CCHCR1: variants seen among roughly 807,000 people sequenced by gnomAD.
The protein encoded by CCHCR1 is HCR (a-helix coiled-coil rod homologue).
Under a neutral mutation model 114.6 loss-of-function variants are expected in CCHCR1, and 91 were observed. That is an observed-to-expected ratio of 0.79 (90% CI 0.67 to 0.94). CCHCR1 has a LOEUF of 0.94. Among genes scored for constraint, CCHCR1 ranks in the 40% least tolerant of loss-of-function variants. CCHCR1 has a pLI of 0.00. For missense variants in CCHCR1, 899 were observed against 1,079.9 expected (o/e 0.83, Z 2.35); for synonymous variants, 379 against 428.5 (o/e 0.88, Z 1.43).
chr6:31,151,254 A>G lies in CCHCR1; in HGVS notation c.802-132T>C. The G allele has an allele frequency of 1.1e-6, 1 of 946,340 alleles. No individual in the cohort carries two copies. Among genetic ancestry groups the G allele is most frequent in the Non-Finnish European group, 1.6e-6 (1 of 637,170 alleles). The allele number at this position is 946,340 out of a possible 1,614,324, so 58.6% of individuals were successfully genotyped here. On this transcript the variant is annotated intron_variant, in intron 4 of 17. Coordinates refer to ENST00000396268, the MANE Select transcript of CCHCR1 (RefSeq NM_001105564.2). This position sits in a 1 kb window ranked among gnomAD's most constrained non-coding sequence, Gnocchi z 4.1. ...AGCCAACTGTGCACAGCAAATGGAG[A>G]GCTGGCAACTCACTCTCCGCAGCTG...
rs573835797 is a variant in CCHCR1, at chr6:31,146,578, T to G, written c.1581-770A>C. On this transcript the variant is annotated intron_variant, in intron 10 of 17. Transcript: ENST00000396268. ...TCTGCACCCACAGAAAAACACATGATGATGAAGGCTTGCAGCTGCATCCCC... is the reference window on the plus strand; with the variant it reads ...TCTGCACCCACAGAAAAACACATGAGGATGAAGGCTTGCAGCTGCATCCCC... Among the ~76,000 whole-genome samples the G allele has an allele frequency of 3.9e-5, 6 of 152,176 alleles. No homozygotes were observed. In the East Asian group the frequency reaches 1.2e-3, roughly 29 times the overall value.
rs530074163 is a variant in CCHCR1, at chr6:31,154,744, G to A, written c.553C>T (p.Arg185Trp). The A allele has an allele frequency of 1.4e-4, 233 of 1,607,140 alleles. 5 individuals carry two copies. In the South Asian group the frequency reaches 2.1e-3, roughly 14 times the overall value. The stretch of plus-strand genomic sequence containing the variant: ...AGCCGCCGCAGCTCTTGCAGCTGCC[G>A]AACGATCACCTCAGCCTGCTGGCTC... ...ALSQQAEVIV[R>W]QLQELRRLEE... Residue 185 changes from arginine to tryptophan, a missense_variant, in exon 4 of 18, where the codon CGG becomes TGG. Coordinates refer to ENST00000396268, the MANE Select transcript of CCHCR1 (RefSeq NM_001105564.2). The surrounding 1 kb of genome is among the most constrained non-coding windows in gnomAD (Gnocchi z 4.1).
chr6:31,145,003 C>T lies in CCHCR1; in HGVS notation c.1947G>A (p.Glu649=), dbSNP rs775826272. Reference sequence around the variant, plus strand: ...GCTGCAGCCCCAAGCTAGCCAGGGACTCCTGGGTCTGCTGCAGCTCCTGCT... The same window carrying T: ...GCTGCAGCCCCAAGCTAGCCAGGGATTCCTGGGTCTGCTGCAGCTCCTGCT... ...QLEQELQQTQ[E]SLASLGLQLE... Residue 649 remains glutamate (E), a synonymous_variant, in exon 14 of 18, where the codon GAG becomes GAA. Transcript: ENST00000396268. 6 of 1,606,508 alleles carry T rather than the reference C, an allele frequency of 3.7e-6. No homozygotes were observed. The African/African-American group carries it at 8.0e-5, about 21-fold the overall frequency.
chr6:31,155,373 G>A (rs1481798174), intron 3 of CCHCR1, among the ~76,000 whole-genome samples: 2 of 152,098 alleles, frequency 1.3e-5, no homozygotes, highest in African/African-American at 2.4e-5. Context: ...GGGAGGCCGA[G>A]GCGGGCGGAT....
chr6:31,149,070 T>G (rs1774796590), intron 8 of CCHCR1: 1 of 247,990 alleles, frequency 4.0e-6, no homozygotes, highest in Non-Finnish European at 8.0e-6. Context: ...GAGAATCACT[T>G]GAACCTGGGA....
chr6:31,156,923 G>C lies in CCHCR1; in HGVS notation c.305C>G (p.Pro102Arg), dbSNP rs770854892. 2 of 1,612,876 alleles carry C rather than the reference G, an allele frequency of 1.2e-6. No homozygotes were observed. The highest frequency in any genetic ancestry group is 8.5e-7 in the Non-Finnish European group (1 of 1,180,018). Residue 102 changes from proline to arginine, a missense_variant, in exon 3 of 18, where the codon CCC becomes CGC. Transcript: ENST00000396268. ...PPSGSTGLIP[P>R]SHFQARPLST... ...AAGGGGCCGAGCTTGAAAGTGGGAG[G>C]GGGGAATCAGCCCAGTGGAACCTGA... is the stretch of plus-strand genomic sequence containing the variant.
At chr6:31,148,340 A>T in intron 10 of CCHCR1, 65 bp downstream of exon 10, 1 of 1,038,138 alleles carries the variant, frequency 9.6e-7, no homozygotes, top group Non-Finnish European at 1.5e-6. Context: ...GATCCTCAGC[A>T]ACAAGGTGCC....
At position 31,144,511 on chromosome 6, in the gene CCHCR1, T is replaced by C. The variant is rs546611147; in HGVS notation, c.2167+176A>G. On this transcript the variant is annotated intron_variant, in intron 15 of 17. Coordinates refer to ENST00000396268, the MANE Select transcript of CCHCR1 (RefSeq NM_001105564.2). The surrounding 1 kb of genome is among the most constrained non-coding windows in gnomAD (Gnocchi z 4.6). Reference sequence around the variant, plus strand: ...CGACCGGCCATATGCTGTTTCTTAATCTGGTGCTGGCTACATGGGTGTGTT... The same window carrying C: ...CGACCGGCCATATGCTGTTTCTTAACCTGGTGCTGGCTACATGGGTGTGTT... 2.3e-5 allele frequency: 14 copies of C among 599,536 alleles called. No homozygotes were observed. In the African/African-American group the frequency reaches 2.4e-4, roughly 10 times the overall value. The allele number at this position is 599,536 out of a possible 1,614,324, so 37.1% of individuals were successfully genotyped here.
At position 31,154,703 on chromosome 6, in the gene CCHCR1, C is replaced by CCGGA; in HGVS notation, c.590_593dup (p.Leu199ProfsTer34). The CCGGA allele has an allele frequency of 6.2e-7, 1 of 1,609,888 alleles. No homozygotes were observed. Among genetic ancestry groups the CCGGA allele is most frequent in the Non-Finnish European group, 8.5e-7 (1 of 1,179,920 alleles). On this transcript the variant is annotated frameshift_variant, in exon 4 of 18. Transcript: ENST00000396268. LOFTEE classifies it high-confidence loss of function. The surrounding 1 kb of genome is among the most constrained non-coding windows in gnomAD (Gnocchi z 4.1). ...GCTGCAGCGAGGTCTCCCGCAGGAGCCGGACCTCCTCCTCCAGCCGCCGCA... is the reference window on the plus strand; with the variant it reads ...GCTGCAGCGAGGTCTCCCGCAGGAGCCGGACGGACCTCCTCCTCCAGCCGCCGCA...
chr6:31,153,201 T>C (rs539119438), intron 4 of CCHCR1, among the ~76,000 whole-genome samples: 1 of 152,032 alleles, frequency 6.6e-6, no homozygotes, highest in African/African-American at 2.4e-5. Flanking sequence ...CTTTAACTCC[T>C]GGCCTCAAGT....
chr6:31,156,038 A>C (rs1487095099), intron 3 of CCHCR1, among the ~76,000 whole-genome samples: 1 of 152,198 alleles, frequency 6.6e-6, no homozygotes, highest in African/African-American at 2.4e-5. Flanking sequence ...CAGCTCCCAA[A>C]GTGCTAGGAT....
rs754250632 is a variant in CCHCR1, at chr6:31,148,386, A to C, written c.1580+19T>G. 7.0e-7 allele frequency: 1 copy of C among 1,422,208 alleles called. No individual in the cohort carries two copies. The highest frequency in any genetic ancestry group is 2.3e-5 in the East Asian group (1 of 43,630). 88.1% of individuals were successfully genotyped at this position (1,422,208 alleles called of 1,614,324 possible). ...AGGTGGCAGAAACACTACTCCACCC[A>C]CCCCTCCATCCCTGATACCTGCTGA... On this transcript the variant is annotated intron_variant, in intron 10 of 17. Transcript: ENST00000396268.
chr6:31,148,769 A>G (rs1774736533), intron 8 of CCHCR1, 41 bp from the exon 9 acceptor site: 2 of 1,202,958 alleles, frequency 1.7e-6, no homozygotes, highest in Admixed American at 1.7e-5. Context: ...CTCTAGAGCT[A>G]AAAGATGAGG....
chr6:31,145,591 G>T, intron 11 of CCHCR1, 98 bp from the exon 12 acceptor site: 2 of 1,446,666 alleles, frequency 1.4e-6, no homozygotes, highest in Non-Finnish European at 1.9e-6. Context: ...ACTGGTGAAA[G>T]GAGGAAGGTG....
Position 31,157,062 on chromosome 6 carries a change from G to GCC in CCHCR1, c.243_244insGG (p.Leu82GlyfsTer2). ...ATCTCCACATTATTTGAAGGCTCTAGATTCTGTCTCCAGCCATCTATGTTC... is the reference window on the plus strand; with the variant it reads ...ATCTCCACATTATTTGAAGGCTCTAGCCATTCTGTCTCCAGCCATCTATGTTC... On this transcript the variant is annotated frameshift_variant, in exon 2 of 18. Coordinates refer to ENST00000396268, the MANE Select transcript of CCHCR1 (RefSeq NM_001105564.2). LOFTEE classifies it high-confidence loss of function. 1 of 1,612,186 alleles carries GCC rather than the reference G, an allele frequency of 6.2e-7. No individual in the cohort carries two copies. Among genetic ancestry groups the GCC allele is most frequent in the Non-Finnish European group, 8.5e-7 (1 of 1,179,568 alleles).
At chr6:31,153,810 C>T (rs987028966) in intron 4 of CCHCR1, among the ~76,000 whole-genome samples, 7 of 152,108 alleles carry the variant, frequency 4.6e-5, no homozygotes, top group African/African-American at 1.7e-4. Context: ...GAACTCCTGA[C>T]CTTGTGATCT....
Position 31,143,055 on chromosome 6 carries a change from T to C in CCHCR1, c.2399A>G (p.Lys800Arg), listed in dbSNP as rs140279719. Residue 800 changes from lysine (K) to arginine (R), a missense_variant, in exon 17 of 18, where the codon AAG (lysine) becomes AGG (arginine). Coordinates refer to ENST00000396268, the MANE Select transcript of CCHCR1 (RefSeq NM_001105564.2). The surrounding 1 kb of genome is among the most constrained non-coding windows in gnomAD (Gnocchi z 5.3). ...GGGGCTGGACACCACAGATTTCTTC[T>C]TATCCAGTAGGGAAGGAAGAACTGT... ...LLTVLPSLLD[K>R]KKSVVSSPRP... The C allele has an allele frequency of 1.9e-4, 314 of 1,612,850 alleles. No homozygotes were observed. The highest frequency in any genetic ancestry group is 2.5e-4 in the Non-Finnish European group (292 of 1,179,974).
At chr6:31,158,081 CT>C, upstream of CCHCR1, 1 of 172,548 alleles carries the variant, frequency 5.8e-6, no homozygotes, top group East Asian at 1.6e-4. Flanking sequence ...CCTGTACCCC[CT>C]TCCCCTTTGG....
At position 31,154,681 on chromosome 6, in the gene CCHCR1, G is replaced by T; in HGVS notation, c.616C>A (p.Gln206Lys). Residue 206 changes from glutamine (Q) to lysine (K), a missense_variant, in exon 4 of 18, where the codon CAG (glutamine) becomes AAG (lysine). By Grantham distance (53) the Gln-to-Lys change is moderately conservative. Coordinates refer to ENST00000396268, the MANE Select transcript of CCHCR1 (RefSeq NM_001105564.2). This position sits in a 1 kb window ranked among gnomAD's most constrained non-coding sequence, Gnocchi z 4.1. ...EVRLLRETSL[Q>K]QKMRLEAQAM... is the part of the protein sequence containing the mutation. ...TGGGCCTCTAGCCTCATCTTCTGCTGCAGCGAGGTCTCCCGCAGGAGCCGG... is the reference window on the plus strand; with the variant it reads ...TGGGCCTCTAGCCTCATCTTCTGCTTCAGCGAGGTCTCCCGCAGGAGCCGG... 2 of 1,611,090 alleles carry T rather than the reference G, an allele frequency of 1.2e-6. No homozygotes were observed. The highest frequency in any genetic ancestry group is 1.7e-6 in the Non-Finnish European group (2 of 1,179,956).
Sources: allele counts gnomAD v4.1 joint callset (sites outside exome capture counted in the v4.1 genomes callset), GRCh38; gene constraint gnomAD v4.1.1; non-coding constraint Gnocchi (gnomAD v3.1); transcripts MANE v1.5; gene names NCBI Gene and HGNC (gene_info 2026-07-23, HGNC 2026-07-21).